DOCK3: variants seen among roughly 807,000 people sequenced by gnomAD.
The protein encoded by DOCK3 is dedicator of cytokinesis protein 3.
A neutral mutation model predicts 265.6 loss-of-function variants in DOCK3; 60 were observed. That is an observed-to-expected ratio of 0.23 (90% CI 0.18 to 0.28). The LOEUF (loss-of-function observed/expected upper bound fraction) is 0.28. DOCK3 is among the 10% of genes least tolerant of loss of function. The pLI is 1.00. For synonymous variants in DOCK3, 881 were observed against 938.0 expected (o/e 0.94, Z 1.11); for missense variants, 1,981 against 2,594.3 (o/e 0.76, Z 5.14).
chr3:50,718,340 C>A (rs896193131), intron 1 of DOCK3, among the ~76,000 whole-genome samples: 1 of 152,142 alleles, frequency 6.6e-6, no homozygotes, highest in Admixed American at 6.5e-5. Context: ...AGCTTTTATA[C>A]TTTATTCTCT....
At chr3:50,809,018 A>G (rs2043585260) in intron 2 of DOCK3, among the ~76,000 whole-genome samples, 1 of 152,238 alleles carries the variant, frequency 6.6e-6, no homozygotes, top group Non-Finnish European at 1.5e-5. Context: ...AAGAAAGCAT[A>G]GGAAACTATT....
chr3:50,767,293 G>A (rs2040952972), intron 1 of DOCK3, among the ~76,000 whole-genome samples: 1 of 152,112 alleles, frequency 6.6e-6, no homozygotes, highest in Non-Finnish European at 1.5e-5. Context: ...ATTAATTTTT[G>A]TATAAGTTGT....
At chr3:51,380,437 C>G (rs1471721480) in intron 52 of DOCK3, among the ~76,000 whole-genome samples, 1 of 152,208 alleles carries the variant, frequency 6.6e-6, no homozygotes, top group Non-Finnish European at 1.5e-5. Flanking sequence ...GAGACAACAA[C>G]ACACAGTACC....
At chr3:51,064,359 A>C (rs1466697454) in intron 5 of DOCK3, 89 bp from the exon 6 acceptor site, 3 of 1,515,632 alleles carry the variant, frequency 2.0e-6, no homozygotes, top group Non-Finnish European at 1.8e-6. Flanking sequence ...AGAAATGAGC[A>C]CTTTTCATAG....
intron 4 of DOCK3, among the ~76,000 whole-genome samples, chr3:50,920,742 A>G (rs938664769): frequency 1.3e-5 from 2 of 151,892 alleles, no homozygotes; most frequent in Admixed American, 6.6e-5. Context: ...TTGTGTGTCT[A>G]TCTCCTTCAG....
intron 1 of DOCK3, among the ~76,000 whole-genome samples, chr3:50,687,362 G>T (rs539186188): frequency 9.2e-5 from 14 of 152,324 alleles, no homozygotes; most frequent in African/African-American, 3.1e-4. Flanking sequence ...GATTGAGCAG[G>T]TTGAATATGT....
chr3:51,358,323 G>A (rs1278315534), intron 46 of DOCK3, among the ~76,000 whole-genome samples: 2 of 152,214 alleles, frequency 1.3e-5, no homozygotes, highest in African/African-American at 2.4e-5. Flanking sequence ...GGCAGGGAAC[G>A]TTTTTCAGGG....
intron 12 of DOCK3, among the ~76,000 whole-genome samples, chr3:51,202,928 C>A (rs1300292367): frequency 1.3e-5 from 2 of 152,130 alleles, no homozygotes; most frequent in African/African-American, 4.8e-5. Context: ...ACATGATTAT[C>A]TCAATAGATG....
chr3:51,354,850 A>T, intron 40 of DOCK3, 32 bp from the exon 41 acceptor site: 1 of 1,607,376 alleles, frequency 6.2e-7, no homozygotes, highest in Non-Finnish European at 8.5e-7. Context: ...CAAGCAAAGC[A>T]TACATAGAGT....
intron 27 of DOCK3, among the ~76,000 whole-genome samples, chr3:51,297,384 AC>A (rs1268100165): frequency 1.3e-5 from 2 of 152,210 alleles, no homozygotes; most frequent in Non-Finnish European, 2.9e-5. Context: ...TTCAAAGGCT[AC>A]CATCAAGATA....
At chr3:51,167,178 T>C (rs745626371) in intron 12 of DOCK3, among the ~76,000 whole-genome samples, 17 of 152,234 alleles carry the variant, frequency 1.1e-4, no homozygotes, top group Non-Finnish European at 2.1e-4. Flanking sequence ...TATATGTGGA[T>C]GTACAGTTTT....
intron 2 of DOCK3, among the ~76,000 whole-genome samples, chr3:50,803,651 G>T (rs972796820): frequency 2.0e-5 from 3 of 151,202 alleles, no homozygotes; most frequent in Non-Finnish European, 4.4e-5. Context: ...CAGCGTGGCT[G>T]GGCAGAGGTG....
intron 9 of DOCK3, among the ~76,000 whole-genome samples, chr3:51,109,996 A>G (rs2083446267): frequency 6.6e-6 from 1 of 152,182 alleles, no homozygotes; most frequent in Admixed American, 6.6e-5. Flanking sequence ...CTCACCGCAT[A>G]GAAATACAGG....
chr3:51,240,575 T>C (rs1159088330), intron 21 of DOCK3, among the ~76,000 whole-genome samples: 1 of 152,222 alleles, frequency 6.6e-6, no homozygotes, highest in Non-Finnish European at 1.5e-5. Flanking sequence ...TTAAGTCTCT[T>C]TGAAGGTCTC....
At chr3:50,852,440 C>T (rs2046389234) in intron 3 of DOCK3, among the ~76,000 whole-genome samples, 1 of 152,038 alleles carries the variant, frequency 6.6e-6, no homozygotes, top group African/African-American at 2.4e-5. Flanking sequence ...TCATTTTAAA[C>T]TTTTTGTTTA....
At chr3:50,934,581 C>CAA (rs2051253036) in intron 5 of DOCK3, among the ~76,000 whole-genome samples, 1 of 151,982 alleles carries the variant, frequency 6.6e-6, no homozygotes, top group East Asian at 1.9e-4. Flanking sequence ...AATCCCAGTG[C>CAA]TTTGGGAAGC....
At chr3:50,779,959 A>G (rs1576412196) in intron 2 of DOCK3, among the ~76,000 whole-genome samples, 2 of 152,312 alleles carry the variant, frequency 1.3e-5, no homozygotes, top group Admixed American at 6.5e-5. Flanking sequence ...GAACTGTTGC[A>G]GTGTGGGTAT....
intron 3 of DOCK3, among the ~76,000 whole-genome samples, chr3:50,889,640 C>G (rs1420253457): frequency 6.6e-6 from 1 of 151,890 alleles, no homozygotes; most frequent in Non-Finnish European, 1.5e-5. Context: ...TTTTCTAGCT[C>G]AGAGCTAGAT....
intron 5 of DOCK3, among the ~76,000 whole-genome samples, chr3:50,996,427 C>G (rs1261697561): frequency 6.6e-6 from 1 of 152,058 alleles, no homozygotes; most frequent in Admixed American, 6.5e-5. Context: ...CCGTGTTAGC[C>G]AGGATGATCT....
Sources: allele counts gnomAD v4.1 joint callset (sites outside exome capture counted in the v4.1 genomes callset), GRCh38; gene constraint gnomAD v4.1.1; transcripts MANE v1.5; gene names NCBI Gene and HGNC (gene_info 2026-07-23, HGNC 2026-07-21).